Variants in SLC11A2 observed in about 807,000 individuals in gnomAD.
The protein encoded by SLC11A2 is solute carrier family 11 member 2, also known as natural resistance-associated macrophage protein 2.
SLC11A2 carries 38 observed loss-of-function variants against 68.0 expected under a neutral mutation model. The ratio of observed to expected loss-of-function variants is 0.56; its 90% CI spans 0.43 to 0.73. SLC11A2 has a LOEUF of 0.73. SLC11A2 is among the 30% of genes least tolerant of loss of function. The pLI, the probability that SLC11A2 is intolerant of heterozygous loss-of-function variation, is 0.00. For missense variants in SLC11A2, 517 were observed against 690.5 expected (o/e 0.75, Z 2.82); for synonymous variants, 242 against 250.6 (o/e 0.97, Z 0.32).
chr12:50,990,313 T>A (rs1415491820), intron 15 of SLC11A2, among the ~76,000 whole-genome samples: 1 of 152,176 alleles, frequency 6.6e-6, no homozygotes, highest in African/African-American at 2.4e-5. Flanking sequence ...GCATGCCCTA[T>A]TCTCCACCTC....
chr12:51,016,508 C>A (rs896112982), intron 1 of SLC11A2, among the ~76,000 whole-genome samples: 1 of 151,918 alleles, frequency 6.6e-6, no homozygotes, highest in Non-Finnish European at 1.5e-5. Flanking sequence ...ATGGTGAGAC[C>A]CCATCTTTAC....
At chr12:50,972,529 A>C in the SLC11A2 span, among the ~76,000 whole-genome samples, 2 of 152,230 alleles carry the variant, frequency 1.3e-5, no homozygotes, top group Non-Finnish European at 2.9e-5. Context: ...AGATGGCCGA[A>C]TAGGAACAGC....
intron 1 of SLC11A2, 99 bp downstream of exon 1, chr12:51,026,211 C>A: frequency 3.3e-6 from 4 of 1,209,534 alleles, no homozygotes; most frequent in Admixed American, 3.2e-5. Flanking sequence ...CGCATCCTAG[C>A]CCCGGAGCCT....
At position 50,999,196 on chromosome 12, in the gene SLC11A2, A is replaced by G. The variant is rs1215639338; in HGVS notation, c.653T>C (p.Met218Thr). The G allele has an allele frequency of 6.2e-7, 1 of 1,613,832 alleles. No homozygotes were observed. Among genetic ancestry groups the G allele is most frequent in the African/African-American group, 1.3e-5 (1 of 74,910 alleles). Residue 218 changes from methionine to threonine, a missense_variant, in exon 8 of 16, where the codon ATG becomes ACG. By Grantham distance (81) the Met-to-Thr change is moderately conservative. Transcript: ENST00000262052. ...EAFFGFLITI[M>T]ALTFGYEYVT... ...TGCCTCATATCCAAATGTGAGGGCC[A>G]TAATAGTGATGAGAAAGCCAAAAAA...
chr12:50,961,166 C>T, the SLC11A2 span: 1 of 1,503,698 alleles, frequency 6.7e-7, no homozygotes, highest in South Asian at 1.2e-5. Flanking sequence ...TTATTTTATT[C>T]ATTCATAGTA....
chr12:50,964,540 T>G, the SLC11A2 span, among the ~76,000 whole-genome samples: 1 of 152,174 alleles, frequency 6.6e-6, no homozygotes, highest in East Asian at 1.9e-4. Flanking sequence ...TCCTGTGTAA[T>G]GAAGAGATGA....
chr12:50,998,786 C>G (rs1416576987), intron 8 of SLC11A2, among the ~76,000 whole-genome samples: 1 of 152,140 alleles, frequency 6.6e-6, no homozygotes, highest in African/African-American at 2.4e-5. Context: ...AAAGTTCAAG[C>G]TGCAATTAAT....
At chr12:50,973,754 G>A in the SLC11A2 span, among the ~76,000 whole-genome samples, 1 of 152,134 alleles carries the variant, frequency 6.6e-6, no homozygotes, top group East Asian at 1.9e-4. Context: ...AAGATTAGAC[G>A]AATGGCTAAC....
chr12:50,999,022 A>T, intron 8 of SLC11A2, 152 bp downstream of exon 8: 1 of 660,566 alleles, frequency 1.5e-6, no homozygotes, highest in Non-Finnish European at 2.6e-6. Flanking sequence ...ATATTCCTTT[A>T]AAATTGGCCC....
chr12:50,994,037 C>CT (rs1335329021), intron 11 of SLC11A2, among the ~76,000 whole-genome samples: 1 of 120,202 alleles, frequency 8.3e-6, no homozygotes, highest in Non-Finnish European at 1.7e-5. Flanking sequence ...TATACTGCAT[C>CT]TTTTTTTTCC....
chr12:50,964,140 G>A, the SLC11A2 span, among the ~76,000 whole-genome samples: 2 of 147,240 alleles, frequency 1.4e-5, no homozygotes, highest in Non-Finnish European at 3.1e-5. Flanking sequence ...ATGGACGTGG[G>A]GAATAGAAAA....
At chr12:51,012,761 G>C (rs1252737451) in intron 1 of SLC11A2, among the ~76,000 whole-genome samples, 3 of 152,138 alleles carry the variant, frequency 2.0e-5, no homozygotes, top group African/African-American at 7.2e-5. Context: ...CCAATGCCAA[G>C]TATTATATTA....
At chr12:51,025,702 C>T (rs905960111) in intron 1 of SLC11A2, 3 of 961,252 alleles carry the variant, frequency 3.1e-6, no homozygotes, top group Admixed American at 6.2e-5. Flanking sequence ...GTAGAAAAAC[C>T]CTGCTCATTG....
At chr12:50,962,925 C>T in the SLC11A2 span, among the ~76,000 whole-genome samples, 1 of 151,868 alleles carries the variant, frequency 6.6e-6, no homozygotes, top group East Asian at 1.9e-4. Context: ...GCTTGGTAGG[C>T]GAATCAGTGT....
downstream of SLC11A2, among the ~76,000 whole-genome samples, chr12:50,985,584 T>C (rs1291390859): frequency 6.6e-6 from 1 of 152,212 alleles, no homozygotes; most frequent in Non-Finnish European, 1.5e-5. Flanking sequence ...TTAAGCTAAA[T>C]GAGTTTGGTT....
intron 1 of SLC11A2, among the ~76,000 whole-genome samples, chr12:51,022,889 A>G (rs1334179419): frequency 2.0e-5 from 3 of 152,222 alleles, no homozygotes; most frequent in African/African-American, 7.2e-5. Flanking sequence ...AAACAAGACT[A>G]AAAACCCTAA....
intron 1 of SLC11A2, among the ~76,000 whole-genome samples, chr12:51,016,492 G>C (rs1159237609): frequency 6.6e-6 from 1 of 151,890 alleles, no homozygotes; most frequent in East Asian, 1.9e-4. Context: ...GACCAGCCTG[G>C]CCAACATGGT....
At chr12:51,025,975 C>T (rs1427407386) in intron 1 of SLC11A2, 4 of 1,018,686 alleles carry the variant, frequency 3.9e-6, no homozygotes, top group Non-Finnish European at 4.7e-6. Flanking sequence ...CAGGTCAGCG[C>T]ACCCCGACAC....
chr12:51,025,976 AC>A, intron 1 of SLC11A2: 1 of 1,017,228 alleles, frequency 9.8e-7, no homozygotes, highest in Non-Finnish European at 1.2e-6. Context: ...AGGTCAGCGC[AC>A]CCCGACACAG....
Sources: gnomAD v4.1 joint callset for allele counts (sites outside exome capture counted in the v4.1 genomes callset) on GRCh38, gnomAD v4.1.1 for gene constraint, MANE v1.5 for transcripts, NCBI Gene and HGNC (gene_info 2026-07-23, HGNC 2026-07-21) for gene names.